The following SLC22A15 variants were observed in gnomAD, a reference collection of about 807,000 sequenced individuals.
The protein encoded by SLC22A15 is solute carrier family 22 member 15, also known as flipt 1.
In SLC22A15, 45 loss-of-function variants were observed where a neutral mutation model predicts 62.7. The ratio of observed to expected loss-of-function variants is 0.72; its 90% CI spans 0.56 to 0.92. SLC22A15 has a LOEUF of 0.92. SLC22A15 is among the 40% of genes least tolerant of loss of function. The probability of loss-of-function intolerance (pLI) is 0.00; values close to 1 mark genes in which losing one functional copy is unlikely to be tolerated. For synonymous variants in SLC22A15, 264 were observed against 267.0 expected (o/e 0.99, Z 0.11); for missense variants, 622 against 665.6 (o/e 0.93, Z 0.72).
chr1:116,068,773 T>C lies in SLC22A15; in HGVS notation c.*1665T>C, dbSNP rs1241932522. The C allele has an allele frequency of 6.6e-6, 1 of 152,158 alleles. No individual in the cohort carries two copies. Among genetic ancestry groups the C allele is most frequent in the Admixed American group, 6.6e-5 (1 of 15,252 alleles). 9.4% of individuals were successfully genotyped at this position (152,158 alleles called of 1,614,324 possible). A position where few individuals can be genotyped will look rare whatever the true frequency, so the allele number is the denominator to read the frequency against. ...AATTGTCAAGTCCTGCTTAACTTTCTCTGGAAAATAGACCCCTTCTCAACA... is the reference window on the plus strand; with the variant it reads ...AATTGTCAAGTCCTGCTTAACTTTCCCTGGAAAATAGACCCCTTCTCAACA... On this transcript the variant is annotated 3_prime_UTR_variant, in exon 12 of 12. Transcript: ENST00000369503.
At chr1:116,008,311 G>A (rs1656085595) in intron 2 of SLC22A15, among the ~76,000 whole-genome samples, 1 of 152,192 alleles carries the variant, frequency 6.6e-6, no homozygotes, top group Admixed American at 6.5e-5. Context: ...AGAGGAACAA[G>A]GAGTGGGTGG....
chr1:116,015,977 T>C (rs1656499557), intron 2 of SLC22A15, among the ~76,000 whole-genome samples: 1 of 152,180 alleles, frequency 6.6e-6, no homozygotes, highest in Admixed American at 6.5e-5. Flanking sequence ...CACAGAACTA[T>C]CCATGTTTCA....
chr1:116,016,229 T>C (rs1003556350), intron 2 of SLC22A15, among the ~76,000 whole-genome samples: 2 of 145,612 alleles, frequency 1.4e-5, no homozygotes, highest in African/African-American at 5.0e-5. Context: ...TGACAGGGTC[T>C]CACTCTGTTG....
At chr1:116,054,641 A>C (rs934915456) in intron 8 of SLC22A15, among the ~76,000 whole-genome samples, 2 of 152,202 alleles carry the variant, frequency 1.3e-5, no homozygotes, top group African/African-American at 4.8e-5. Flanking sequence ...TCCAAAATTG[A>C]CCACATAGTT....
intron 8 of SLC22A15, among the ~76,000 whole-genome samples, chr1:116,051,810 A>G (rs1658060571): frequency 6.6e-6 from 1 of 152,212 alleles, no homozygotes; most frequent in African/African-American, 2.4e-5. Context: ...CAGACTGCAG[A>G]AAAACAGCAG....
chr1:116,003,369 A>C (rs977041069), intron 2 of SLC22A15, among the ~76,000 whole-genome samples: 1 of 152,130 alleles, frequency 6.6e-6, no homozygotes, highest in Non-Finnish European at 1.5e-5. Flanking sequence ...TCCCAAGTCC[A>C]CTGACTCTGA....
chr1:116,052,686 C>T (rs989081717), intron 8 of SLC22A15, among the ~76,000 whole-genome samples: 3 of 152,164 alleles, frequency 2.0e-5, no homozygotes, highest in Non-Finnish European at 2.9e-5. Flanking sequence ...CCTCACACGG[C>T]GGGCTACTCC....
Position 115,976,638 on chromosome 1 carries a change from A to G in SLC22A15, c.11A>G (p.Glu4Gly). Reference protein sequence around the residue: MEVEEAFQAVGEMG... With the variant: MEVGEAFQAVGEMG... ...TGCGCGCGGCCCGCCATGGAGGTGG[A>G]GGAGGCGTTCCAGGCGGTGGGGGAG... The change falls in exon 1 of 12, where the codon GAG (glutamate) becomes GGG (glycine). Residue 4 changes from glutamate to glycine, a missense_variant. Glu to Gly is a moderately conservative substitution (Grantham distance 98). Coordinates refer to ENST00000369503, the MANE Select transcript of SLC22A15 (RefSeq NM_018420.3). 6.3e-7 allele frequency: 1 copy of G among 1,582,636 alleles called. No homozygotes were observed. Among genetic ancestry groups the G allele is most frequent in the Non-Finnish European group, 8.6e-7 (1 of 1,167,272 alleles).
intron 1 of SLC22A15, among the ~76,000 whole-genome samples, chr1:115,989,232 G>A (rs911299154): frequency 2.6e-5 from 4 of 152,096 alleles, no homozygotes; most frequent in Admixed American, 2.6e-4. Flanking sequence ...TGCTTATTCT[G>A]CCTGCAGGTT....
intron 8 of SLC22A15, among the ~76,000 whole-genome samples, chr1:116,041,338 AAAT>A (rs1657779618): frequency 6.6e-6 from 1 of 152,230 alleles, no homozygotes; most frequent in Non-Finnish European, 1.5e-5. Flanking sequence ...AGGGATTCAA[AAAT>A]AATAATAAAA....
intron 8 of SLC22A15, among the ~76,000 whole-genome samples, chr1:116,052,825 A>G (rs1260552941): frequency 6.6e-6 from 1 of 152,216 alleles, no homozygotes; most frequent in Non-Finnish European, 1.5e-5. Context: ...AGCAAACTCC[A>G]ACAGACCTGC....
At chr1:116,066,782 T>G in intron 11 of SLC22A15, 74 bp downstream of exon 11, 2 of 1,405,004 alleles carry the variant, frequency 1.4e-6, no homozygotes, top group South Asian at 2.8e-5. Flanking sequence ...TTGCGTTAAA[T>G]TAAATAGAAC....
chr1:116,033,551 G>T (rs1396626516), intron 6 of SLC22A15, among the ~76,000 whole-genome samples: 2 of 65,020 alleles, frequency 3.1e-5, no homozygotes, highest in African/African-American at 1.1e-4. Context: ...TTAAATAGGG[G>T]TGTCTCTGTG....
intron 5 of SLC22A15, 128 bp downstream of exon 5, chr1:116,027,150 AT>A (rs1171354675): frequency 1.2e-6 from 1 of 848,264 alleles, no homozygotes; most frequent in Non-Finnish European, 1.9e-6. Context: ...GAAGAACTAA[AT>A]TCTGCAAGTG....
intron 1 of SLC22A15, among the ~76,000 whole-genome samples, chr1:115,987,643 C>T (rs550307310): frequency 1.2e-3 from 176 of 152,226 alleles, no homozygotes; most frequent in African/African-American, 4.1e-3. Context: ...TGATTATGGT[C>T]TTGCTTATGT....
intron 8 of SLC22A15, among the ~76,000 whole-genome samples, chr1:116,050,243 A>G (rs10802148): frequency 0.63 from 96,389 of 152,090 alleles, 35,332 homozygotes; most frequent in Non-Finnish European, 0.81. Context: ...AACTCATTCT[A>G]TGAAGCCAGC....
At chr1:116,032,313 T>G (rs556946586) in intron 6 of SLC22A15, 12 of 985,398 alleles carry the variant, frequency 1.2e-5, no homozygotes, top group South Asian at 9.4e-5. Flanking sequence ...ATACAATTTG[T>G]GGATTGCACA....
intron 2 of SLC22A15, among the ~76,000 whole-genome samples, chr1:116,009,638 A>G (rs1255530463): frequency 1.3e-5 from 2 of 152,210 alleles, no homozygotes; most frequent in Non-Finnish European, 2.9e-5. Flanking sequence ...TAAAACCTCC[A>G]CTTAATTTCT....
At chr1:116,019,506 A>T in intron 2 of SLC22A15, 76 bp from the exon 3 acceptor site, 1 of 1,425,760 alleles carries the variant, frequency 7.0e-7, no homozygotes, top group Non-Finnish European at 9.4e-7. Context: ...CTGGTGTACA[A>T]GTTTTTGTTG....
Sources: allele counts gnomAD v4.1 joint callset (sites outside exome capture counted in the v4.1 genomes callset), GRCh38; gene constraint gnomAD v4.1.1; transcripts MANE v1.5; gene names NCBI Gene and HGNC (gene_info 2026-07-23, HGNC 2026-07-21).